SLC35F3: variants seen among roughly 807,000 people sequenced by gnomAD.
The protein encoded by SLC35F3 is putative thiamine transporter SLC35F3.
A neutral mutation model predicts 49.9 loss-of-function variants in SLC35F3; 25 were observed. The ratio of observed to expected loss-of-function variants is 0.50; its 90% CI spans 0.37 to 0.70. The LOEUF is 0.70. Among genes scored for constraint, SLC35F3 ranks in the 30% least tolerant of loss-of-function variants. SLC35F3 has a pLI of 0.00. For synonymous variants in SLC35F3, 275 were observed against 265.4 expected (o/e 1.04, Z -0.35); for missense variants, 525 against 639.8 (o/e 0.82, Z 1.94).
intron 2 of SLC35F3, among the ~76,000 whole-genome samples, chr1:234,173,373 G>T (rs947191720): frequency 1.3e-5 from 2 of 152,222 alleles, no homozygotes; most frequent in African/African-American, 4.8e-5. Flanking sequence ...TGTGAGGAGC[G>T]AGAGGCCCAG....
At chr1:234,300,483 A>T in intron 3 of SLC35F3, among the ~76,000 whole-genome samples, 1 of 152,270 alleles carries the variant, frequency 6.6e-6, no homozygotes, top group East Asian at 1.9e-4. Flanking sequence ...TTATTTGTAA[A>T]CATGTATTAT....
chr1:234,106,032 T>G (rs962878478), intron 2 of SLC35F3, among the ~76,000 whole-genome samples: 12 of 152,212 alleles, frequency 7.9e-5, no homozygotes, highest in African/African-American at 4.8e-5. Flanking sequence ...AGACATGCCC[T>G]GTGAGTGTGA....
intron 2 of SLC35F3, among the ~76,000 whole-genome samples, chr1:234,101,580 C>G (rs981967763): frequency 2.6e-5 from 4 of 152,188 alleles, no homozygotes; most frequent in African/African-American, 9.7e-5. Context: ...AGAAAGCATA[C>G]GAAATGGTTC....
At chr1:233,951,770 G>T (rs1662611762) in intron 2 of SLC35F3, among the ~76,000 whole-genome samples, 1 of 151,406 alleles carries the variant, frequency 6.6e-6, no homozygotes, top group Non-Finnish European at 1.5e-5. Flanking sequence ...AGAGAGATGG[G>T]GTCTCACTAT....
At chr1:234,037,322 A>G (rs1350865270) in intron 2 of SLC35F3, among the ~76,000 whole-genome samples, 1 of 152,202 alleles carries the variant, frequency 6.6e-6, no homozygotes, top group Non-Finnish European at 1.5e-5. Context: ...AGGAGCTAAT[A>G]AAGCAAAAAC....
intron 2 of SLC35F3, among the ~76,000 whole-genome samples, chr1:234,022,405 G>A (rs748547276): frequency 1.3e-5 from 2 of 152,158 alleles, no homozygotes; most frequent in African/African-American, 2.4e-5. Flanking sequence ...AAGAGTCAAC[G>A]CTGCAGCTTG....
intron 2 of SLC35F3, among the ~76,000 whole-genome samples, chr1:233,978,668 C>A (rs1195060663): frequency 3.9e-5 from 6 of 152,202 alleles, no homozygotes; most frequent in Non-Finnish European, 8.8e-5. Flanking sequence ...CTTGCCACTG[C>A]ATCATTCATG....
chr1:233,924,234 T>G (rs1662118327), intron 2 of SLC35F3, among the ~76,000 whole-genome samples: 1 of 152,264 alleles, frequency 6.6e-6, no homozygotes, highest in Non-Finnish European at 1.5e-5. Context: ...AGCTCCTCTT[T>G]GTACCTCTGG....
chr1:233,942,888 A>G (rs1662451127), intron 2 of SLC35F3, among the ~76,000 whole-genome samples: 1 of 152,118 alleles, frequency 6.6e-6, no homozygotes, highest in Non-Finnish European at 1.5e-5. Flanking sequence ...GGCAACCACC[A>G]TTCTACTCTC....
At chr1:234,245,685 G>A (rs1046307016) in intron 3 of SLC35F3, among the ~76,000 whole-genome samples, 2 of 152,202 alleles carry the variant, frequency 1.3e-5, no homozygotes, top group Non-Finnish European at 2.9e-5. Context: ...AGGCACATCT[G>A]TTGTCTTCCT....
intron 3 of SLC35F3, among the ~76,000 whole-genome samples, chr1:234,266,304 A>C (rs1431652166): frequency 6.6e-6 from 1 of 152,172 alleles, no homozygotes; most frequent in African/African-American, 2.4e-5. Flanking sequence ...AAAGACACAA[A>C]TGGCCAACAA....
intron 2 of SLC35F3, among the ~76,000 whole-genome samples, chr1:233,941,375 T>G (rs1275258224): frequency 6.6e-6 from 1 of 152,224 alleles, no homozygotes; most frequent in East Asian, 1.9e-4. Flanking sequence ...GTAAGGGATA[T>G]GTCTTTAAGG....
At chr1:234,313,936 C>T (rs1414267632) in intron 4 of SLC35F3, among the ~76,000 whole-genome samples, 1 of 152,230 alleles carries the variant, frequency 6.6e-6, no homozygotes, top group Non-Finnish European at 1.5e-5. Context: ...ATCTTGAGCT[C>T]TGCTCCCAAA....
chr1:233,988,013 TTC>T (rs1572010103), intron 2 of SLC35F3, among the ~76,000 whole-genome samples: 1 of 152,208 alleles, frequency 6.6e-6, no homozygotes, highest in Non-Finnish European at 1.5e-5. Context: ...TTGATTTTGT[TTC>T]TGTTTGCTTT....
intron 2 of SLC35F3, among the ~76,000 whole-genome samples, chr1:233,956,457 GC>G (rs1195038287): frequency 2.0e-5 from 3 of 152,126 alleles, no homozygotes. Context: ...TAGTTTCATT[GC>G]TATTGCTATG....
chr1:234,288,188 G>A lies in SLC35F3; in HGVS notation c.609-20913G>A, dbSNP rs144017812. Reference sequence around the variant, plus strand: ...AGGTGTAAACCACCACGCCTAGCCTGCTGGGAAAATCTTTATGTAACCCAA... The same window carrying A: ...AGGTGTAAACCACCACGCCTAGCCTACTGGGAAAATCTTTATGTAACCCAA... On this transcript the variant is annotated intron_variant, in intron 3 of 7. Coordinates refer to ENST00000366618, the MANE Select transcript of SLC35F3 (RefSeq NM_173508.4). Among the ~76,000 whole-genome samples, 335 of 152,226 alleles carry A rather than the reference G, an allele frequency of 2.2e-3. 1 individual carries two copies. The highest frequency in any genetic ancestry group is 7.4e-3 in the African/African-American group (308 of 41,544).
intron 2 of SLC35F3, among the ~76,000 whole-genome samples, chr1:233,968,829 T>A (rs1050892989): frequency 6.6e-6 from 1 of 152,136 alleles, no homozygotes; most frequent in Admixed American, 6.6e-5. Flanking sequence ...CTCTCCCTCT[T>A]CTAGTAATCC....
intron 2 of SLC35F3, among the ~76,000 whole-genome samples, chr1:234,164,496 C>A (rs1455475261): frequency 6.6e-6 from 1 of 152,032 alleles, no homozygotes; most frequent in Non-Finnish European, 1.5e-5. Context: ...AGCAGCTGAG[C>A]AAGTACCATC....
At chr1:234,091,539 T>C (rs553440684) in intron 2 of SLC35F3, among the ~76,000 whole-genome samples, 276 of 152,176 alleles carry the variant, frequency 1.8e-3, no homozygotes, top group African/African-American at 6.5e-3. Context: ...GCCCTGCCAG[T>C]GCATTCTCTG....
Sources: allele counts gnomAD v4.1 joint callset (sites outside exome capture counted in the v4.1 genomes callset), GRCh38; gene constraint gnomAD v4.1.1; transcripts MANE v1.5; gene names NCBI Gene and HGNC (gene_info 2026-07-23, HGNC 2026-07-21).